Variants in TMTC1 observed in about 807,000 individuals in gnomAD.
TMTC1 encodes the protein transmembrane O-mannosyltransferase targeting cadherins 1.
TMTC1 carries 73 observed loss-of-function variants against 104.8 expected under a neutral mutation model. That is an observed-to-expected ratio of 0.70 (90% CI 0.58 to 0.85). TMTC1 has a LOEUF of 0.85. Among genes scored for constraint, TMTC1 ranks in the 40% least tolerant of loss-of-function variants. The probability of loss-of-function intolerance (pLI) is 0.00; values close to 1 mark genes in which losing one functional copy is unlikely to be tolerated. For synonymous variants in TMTC1, 434 were observed against 428.7 expected (o/e 1.01, Z -0.15); for missense variants, 1,035 against 1,096.1 (o/e 0.94, Z 0.79).
intron 5 of TMTC1, among the ~76,000 whole-genome samples, chr12:29,715,674 G>A (rs1306158020): frequency 6.6e-6 from 1 of 152,032 alleles, no homozygotes; most frequent in African/African-American, 2.4e-5. Flanking sequence ...CCCAAGACTG[G>A]GTAATTTATA....
intron 11 of TMTC1, among the ~76,000 whole-genome samples, chr12:29,523,748 TG>T (rs2136167655): frequency 6.6e-6 from 1 of 152,280 alleles, no homozygotes; most frequent in East Asian, 1.9e-4. Flanking sequence ...GACCTCTCTG[TG>T]TTGGAATCTC....
rs965488471 is a variant in TMTC1 at position 29,659,774 on chromosome 12, A to G, written c.939-26438T>C. The G allele has an allele frequency of 6.5e-6, 5 of 774,840 alleles. No homozygotes were observed. In the South Asian group the frequency reaches 7.8e-5, roughly 12 times the overall value. The allele number at this position is 774,840 out of a possible 1,614,324, so 48.0% of individuals were successfully genotyped here. A position where few individuals can be genotyped will look rare whatever the true frequency, so the allele number is the denominator to read the frequency against. On this transcript the variant is annotated intron_variant, in intron 5 of 17. Coordinates refer to ENST00000539277, the MANE Select transcript of TMTC1 (RefSeq NM_001193451.2). ...AATGTATAGTTTCTTTTCTCCCCAC[A>G]TGGAGGATAGACCCCAATCCTCAAT...
chr12:29,696,077 T>C (rs1941415910), intron 5 of TMTC1, among the ~76,000 whole-genome samples: 1 of 151,994 alleles, frequency 6.6e-6, no homozygotes, highest in Non-Finnish European at 1.5e-5. Flanking sequence ...TTTAAATACA[T>C]CTTGGACAAG....
chr12:29,772,505 A>G (rs1391177922), intron 1 of TMTC1, among the ~76,000 whole-genome samples: 2 of 152,216 alleles, frequency 1.3e-5, no homozygotes, highest in African/African-American at 4.8e-5. Context: ...ATTCCCATGT[A>G]CCTGAAATGC....
intron 11 of TMTC1, among the ~76,000 whole-genome samples, chr12:29,525,603 T>C (rs1944320797): frequency 6.6e-6 from 1 of 151,890 alleles, no homozygotes; most frequent in African/African-American, 2.4e-5. Context: ...TTTTTAAATC[T>C]AGCGAAAGTA....
chr12:29,615,854 G>A (rs1470478315), intron 6 of TMTC1, among the ~76,000 whole-genome samples: 1 of 152,170 alleles, frequency 6.6e-6, no homozygotes, highest in Non-Finnish European at 1.5e-5. Context: ...GGTGGCGGTT[G>A]TTTTTGGAGG....
intron 8 of TMTC1, among the ~76,000 whole-genome samples, chr12:29,572,840 C>T (rs1000048447): frequency 2.6e-5 from 4 of 152,102 alleles, no homozygotes; most frequent in African/African-American, 9.7e-5. Flanking sequence ...ATGAAATACC[C>T]TAAGTGATCT....
At chr12:29,599,993 C>CATATATATATAT (rs71444331) in intron 7 of TMTC1, among the ~76,000 whole-genome samples, 1,090 of 81,766 alleles carry the variant, frequency 0.013, 53 homozygotes, top group African/African-American at 0.069. Context: ...TGTGTATATA[C>CATATATATATAT]ATATATATAT....
Position 29,510,101 on chromosome 12 carries a change from G to A in TMTC1, c.2508+1942C>T, listed in dbSNP as rs1322546737. Among the ~76,000 whole-genome samples the A allele has an allele frequency of 2.0e-5, 3 of 152,056 alleles. No homozygotes were observed. The East Asian group carries it at 5.8e-4, about 29-fold the overall frequency. Reference sequence around the variant, plus strand: ...GCGTCATTAGGTGATTTTCCTTTTGGCAAACATCATAGGATATAGCCACAT... The same window carrying A: ...GCGTCATTAGGTGATTTTCCTTTTGACAAACATCATAGGATATAGCCACAT... On this transcript the variant is annotated intron_variant, in intron 17 of 17. Transcript: ENST00000539277.
chr12:29,534,452 T>A (rs1944587603), intron 11 of TMTC1: 1 of 152,228 alleles, frequency 6.6e-6, no homozygotes, highest in Admixed American at 6.5e-5. Flanking sequence ...AAGATAATGA[T>A]CCTAGTCATC....
chr12:29,593,124 C>A (rs1946323337), intron 7 of TMTC1, among the ~76,000 whole-genome samples: 1 of 152,172 alleles, frequency 6.6e-6, no homozygotes. Flanking sequence ...GGGCTCTCCT[C>A]TGGCTGAGCT....
chr12:29,583,306 TAG>T (rs1946033770), intron 8 of TMTC1, 99 bp downstream of exon 8: 1 of 1,063,748 alleles, frequency 9.4e-7, no homozygotes, highest in Non-Finnish European at 1.3e-6. Context: ...TAATTTTCCT[TAG>T]TAAATACTGC....
intron 2 of TMTC1, among the ~76,000 whole-genome samples, chr12:29,762,476 C>T (rs1300163111): frequency 6.6e-6 from 1 of 152,158 alleles, no homozygotes; most frequent in African/African-American, 2.4e-5. Flanking sequence ...TTAAGGTTTA[C>T]ACGTACGGTA....
chr12:29,690,549 T>C (rs1452686960), intron 5 of TMTC1, among the ~76,000 whole-genome samples: 1 of 152,092 alleles, frequency 6.6e-6, no homozygotes, highest in Non-Finnish European at 1.5e-5. Context: ...ATGAATGGAG[T>C]AAGTTTATAA....
At chr12:29,623,048 T>G (rs7959535) in intron 6 of TMTC1, among the ~76,000 whole-genome samples, 1 of 152,178 alleles carries the variant, frequency 6.6e-6, no homozygotes, top group Non-Finnish European at 1.5e-5. Flanking sequence ...AAGTAAAACA[T>G]CTACTCTTTG....
intron 5 of TMTC1, among the ~76,000 whole-genome samples, chr12:29,688,181 G>C (rs1941155010): frequency 6.6e-6 from 1 of 152,182 alleles, no homozygotes; most frequent in African/African-American, 2.4e-5. Context: ...TCAAGTAGCA[G>C]CAGGGATTGA....
intron 9 of TMTC1, among the ~76,000 whole-genome samples, chr12:29,558,752 T>A (rs1267721970): frequency 6.6e-6 from 1 of 152,180 alleles, no homozygotes; most frequent in Non-Finnish European, 1.5e-5. Flanking sequence ...AACTTAAGGG[T>A]CTCTGATACT....
At chr12:29,627,772 G>A (rs2136485182) in intron 6 of TMTC1, among the ~76,000 whole-genome samples, 1 of 151,196 alleles carries the variant, frequency 6.6e-6, no homozygotes, top group East Asian at 1.9e-4. Flanking sequence ...TGTGGTATAT[G>A]CTAAAGGTAT....
At chr12:29,521,554 T>TTTTC (rs759385461) in intron 11 of TMTC1, among the ~76,000 whole-genome samples, 3 of 139,128 alleles carry the variant, frequency 2.2e-5, no homozygotes, top group African/African-American at 8.3e-5. Context: ...ACATTTTTCT[T>TTTTC]TTTCTTTCTT....
Sources: gnomAD v4.1 joint callset for allele counts (sites outside exome capture counted in the v4.1 genomes callset) on GRCh38, gnomAD v4.1.1 for gene constraint, MANE v1.5 for transcripts, NCBI Gene and HGNC (gene_info 2026-07-23, HGNC 2026-07-21) for gene names.